The following CD6 variants were observed in gnomAD, a reference collection of about 807,000 sequenced individuals.
CD6 encodes CD6 molecule.
Under a neutral mutation model 75.3 loss-of-function variants are expected in CD6, and 53 were observed. The observed-to-expected ratio is 0.70, with a 90% CI of 0.56 to 0.88. The LOEUF is 0.88. CD6 is among the 40% of genes least tolerant of loss of function. The probability of loss-of-function intolerance (pLI) is 0.00; values close to 1 mark genes in which losing one functional copy is unlikely to be tolerated. For synonymous variants in CD6, 359 were observed against 381.5 expected, an observed-to-expected ratio of 0.94 and a Z score of 0.69; for missense variants, 770 against 897.1, an observed-to-expected ratio of 0.86 and a Z score of 1.81.
At chr11:61,000,319 T>C (rs1161751536) in intron 1 of CD6, among the ~76,000 whole-genome samples, 1 of 89,176 alleles carries the variant, frequency 1.1e-5, no homozygotes, top group African/African-American at 5.4e-5. Flanking sequence ...CTGTTGATTT[T>C]TTTTTTTAAC....
At chr11:60,997,409 A>T (rs1858356322) in intron 1 of CD6, among the ~76,000 whole-genome samples, 2 of 150,660 alleles carry the variant, frequency 1.3e-5, no homozygotes, top group South Asian at 2.1e-4. Context: ...AAAATAAAAT[A>T]AAAATAATAA....
At chr11:60,997,366 G>A (rs1320454840) in intron 1 of CD6, among the ~76,000 whole-genome samples, 2 of 144,364 alleles carry the variant, frequency 1.4e-5, no homozygotes, top group Non-Finnish European at 3.0e-5. Flanking sequence ...GTGATAGGGC[G>A]AGACTCCGTC....
Position 61,007,856 on chromosome 11 carries a change from G to T in CD6, c.415G>T (p.Val139Leu). 1 of 1,402,454 alleles carries T rather than the reference G, an allele frequency of 7.1e-7. No individual in the cohort carries two copies. The highest frequency in any genetic ancestry group is 9.2e-7 in the Non-Finnish European group (1 of 1,084,558). The allele number at this position is 1,402,454 out of a possible 1,614,324, so 86.9% of individuals were successfully genotyped here. ...CSGAEWRLCE[V>L]VEHACRSDGR... is the part of the protein sequence containing the mutation. ...CGGCGCCGAGTGGCGGCTCTGCGAG[G>T]TGGTGGAGCACGCGTGCCGCAGCGA... Residue 139 changes from valine to leucine, a missense_variant, in exon 3 of 13, where the codon GTG becomes TTG. Transcript: ENST00000313421. The surrounding 1 kb of genome is among the most constrained non-coding windows in gnomAD (Gnocchi z 4.2).
At chr11:60,982,203 C>T (rs1441594361) in intron 1 of CD6, among the ~76,000 whole-genome samples, 3 of 99,210 alleles carry the variant, frequency 3.0e-5, no homozygotes, top group African/African-American at 1.2e-4. Context: ...GGGCTAGGGG[C>T]TTCTTGGGGG....
At chr11:61,002,899 C>T (rs1461898676) in intron 1 of CD6, among the ~76,000 whole-genome samples, 1 of 152,178 alleles carries the variant, frequency 6.6e-6, no homozygotes, top group Non-Finnish European at 1.5e-5. Context: ...CAACACACCC[C>T]TGTGATAACA....
chr11:61,008,070 C>T (rs528901424), intron 3 of CD6, among the ~76,000 whole-genome samples, 160 bp downstream of exon 3: 1 of 152,142 alleles, frequency 6.6e-6, no homozygotes, highest in South Asian at 2.1e-4. Flanking sequence ...CGGAGGACGA[C>T]CTCGAGTCAT....
Position 61,015,616 on chromosome 11 carries a change from A to G in CD6, c.1388-97A>G. The G allele has an allele frequency of 2.8e-6, 4 of 1,425,922 alleles. No homozygotes were observed. The South Asian group carries it at 4.9e-5, about 17-fold the overall frequency. 88.3% of individuals were successfully genotyped at this position (1,425,922 alleles called of 1,614,324 possible). A position where few individuals can be genotyped will look rare whatever the true frequency, so the allele number is the denominator to read the frequency against. On this transcript the variant is annotated intron_variant, in intron 8 of 12. Coordinates refer to ENST00000313421, the MANE Select transcript of CD6 (RefSeq NM_006725.5). ...GGGGGCTACTTGGTGCTCCCCTGCT[A>G]CTCTGCCTCTCACCTCTGCCGTTCA... is the stretch of plus-strand genomic sequence containing the variant.
chr11:61,012,618 A>G (rs1332145466), intron 6 of CD6, among the ~76,000 whole-genome samples: 1 of 152,146 alleles, frequency 6.6e-6, no homozygotes, highest in Non-Finnish European at 1.5e-5. Context: ...TGTCACTACT[A>G]GTCATCTAGC....
chr11:60,989,870 G>A (rs1857992706), intron 1 of CD6, among the ~76,000 whole-genome samples: 3 of 152,150 alleles, frequency 2.0e-5, no homozygotes. Flanking sequence ...GCATTGTTAA[G>A]GAGATTCAAG....
At chr11:61,011,012 G>T in intron 5 of CD6, 58 bp from the exon 6 acceptor site, 1 of 1,489,952 alleles carries the variant, frequency 6.7e-7, no homozygotes, top group Non-Finnish European at 9.4e-7. Flanking sequence ...CCCAAGGCCT[G>T]GCACACAGTA....
chr11:60,971,913 A>G lies in CD6; in HGVS notation c.48A>G (p.Ser16=). Residue 16 remains serine, a splice_region_variant and synonymous_variant, in exon 1 of 13, where the codon TCA becomes TCG. Transcript: ENST00000313421. Reference sequence around the variant, plus strand: ...CTGGATTGCTGACGGCAGCCCTCTCAGGTAGGCCCCCTTCCCTCATCTCCT... The same window carrying G: ...CTGGATTGCTGACGGCAGCCCTCTCGGGTAGGCCCCCTTCCCTCATCTCCT... The part of the protein sequence containing the change: ...GITGLLTAAL[S]GHPSPAPPDQ... The G allele has an allele frequency of 6.2e-7, 1 of 1,613,862 alleles. No individual in the cohort carries two copies. Among genetic ancestry groups the G allele is most frequent in the Non-Finnish European group, 8.5e-7 (1 of 1,179,928 alleles).
chr11:60,995,538 A>G (rs1244292803), intron 1 of CD6, among the ~76,000 whole-genome samples: 1 of 152,184 alleles, frequency 6.6e-6, no homozygotes, highest in Non-Finnish European at 1.5e-5. Flanking sequence ...GGGCATTTCT[A>G]AAAAGAAAAT....
chr11:61,001,530 G>T (rs1858587099), intron 1 of CD6, among the ~76,000 whole-genome samples: 1 of 152,016 alleles, frequency 6.6e-6, no homozygotes, highest in Non-Finnish European at 1.5e-5. Context: ...TCTCTAACAT[G>T]GCTTTATTTT....
intron 8 of CD6, among the ~76,000 whole-genome samples, 160 bp downstream of exon 8, chr11:61,014,174 C>T (rs1022336980): frequency 2.0e-5 from 3 of 152,124 alleles, no homozygotes; most frequent in Admixed American, 2.0e-4. Context: ...AGGCTCAAGT[C>T]GTCCCTGGAC....
rs750247319 is a variant in CD6 at position 61,009,586 on chromosome 11, C to A, written c.796C>A (p.Arg266Ser). The change falls in exon 5 of 13, where the codon CGC (arginine) becomes AGC (serine). Residue 266 changes from arginine (R) to serine (S), a missense_variant. By Grantham distance (110) the Arg-to-Ser change is moderately radical. Transcript: ENST00000313421. ...CTTCCCTGCAGAGCACCAGTCCTGG[C>A]GCCTGACAGGGGGCGCTGACCGCTG... ...GAVCSEHQSWRLTGGADRCEG... is the reference protein window; with the variant it reads ...GAVCSEHQSWSLTGGADRCEG... 1.9e-6 allele frequency: 3 copies of A among 1,605,550 alleles called. No homozygotes were observed. The highest frequency in any genetic ancestry group is 2.6e-6 in the Non-Finnish European group (3 of 1,176,132).
chr11:61,009,797 C>T lies in CD6; in HGVS notation c.1007C>T (p.Thr336Ile). The change falls in exon 5 of 13, where the codon ACC becomes ATC. Residue 336 changes from threonine to isoleucine, a missense_variant. By Grantham distance (89) the Thr-to-Ile change is moderately conservative. Transcript: ENST00000313421. Reference protein sequence around the residue: ...MYYSCNGEELTLSNCSWRFNN... With the variant: ...MYYSCNGEELILSNCSWRFNN... ...TACTCATGCAATGGGGAGGAGCTCA[C>T]CCTCTCCAACTGCTCCTGGCGGTTC... 6.2e-7 allele frequency: 1 copy of T among 1,609,014 alleles called. No homozygotes were observed. Among genetic ancestry groups the T allele is most frequent in the African/African-American group, 1.3e-5 (1 of 74,982 alleles).
chr11:60,995,913 A>G (rs1183250687), intron 1 of CD6, among the ~76,000 whole-genome samples: 1 of 152,164 alleles, frequency 6.6e-6, no homozygotes, highest in Non-Finnish European at 1.5e-5. Context: ...TTCTAAACTC[A>G]GTGCTGGTTG....
rs181175122 is a variant in CD6 at position 60,980,484 on chromosome 11, G to A, written c.49+8570G>A. ...ACCACTGCACTCCAGCCTGGACAAC[G>A]GAGCAAGACCTTGTCTCAAAAAAGA... On this transcript the variant is annotated intron_variant, in intron 1 of 12. Coordinates refer to ENST00000313421, the MANE Select transcript of CD6 (RefSeq NM_006725.5). Among the ~76,000 whole-genome samples the A allele has an allele frequency of 6.8e-4, 103 of 151,412 alleles. 1 individual carries two copies. The highest frequency in any genetic ancestry group is 6.6e-4 in the Non-Finnish European group (45 of 67,894).
chr11:60,995,190 C>A (rs1320348312), intron 1 of CD6, among the ~76,000 whole-genome samples: 1 of 151,504 alleles, frequency 6.6e-6, no homozygotes, highest in African/African-American at 2.4e-5. Flanking sequence ...TGTCACCCAG[C>A]CTAGAATGCA....
Sources: gnomAD v4.1 joint callset for allele counts (sites outside exome capture counted in the v4.1 genomes callset) on GRCh38, gnomAD v4.1.1 for gene constraint, Gnocchi (gnomAD v3.1) non-coding constraint, MANE v1.5 for transcripts, NCBI Gene and HGNC (gene_info 2026-07-23, HGNC 2026-07-21) for gene names.